The following FGF14 variants were observed in gnomAD, a reference collection of about 807,000 sequenced individuals.
FGF14 encodes the protein fibroblast growth factor 14.
Under a neutral mutation model 25.5 loss-of-function variants are expected in FGF14, and 5 were observed. The ratio of observed to expected loss-of-function variants is 0.20; its 90% CI spans 0.10 to 0.41. The LOEUF is 0.41. Ranked by LOEUF, FGF14 falls within the 10% of genes least tolerant of loss-of-function variation. The probability of loss-of-function intolerance (pLI) is 1.00; values close to 1 mark genes in which losing one functional copy is unlikely to be tolerated. For synonymous variants in FGF14, 138 were observed against 118.3 expected, an observed-to-expected ratio of 1.17 and a Z score of -1.08; for missense variants, 222 against 320.1, an observed-to-expected ratio of 0.69 and a Z score of 2.34.
chr13:102,027,465 G>A (rs190318697), intron 1 of FGF14, among the ~76,000 whole-genome samples: 85 of 151,822 alleles, frequency 5.6e-4, no homozygotes, highest in African/African-American at 1.6e-3. Context: ...TATCCTAAAC[G>A]GCTAGCAGGA....
At chr13:102,330,717 G>T (rs1320024888) in intron 1 of FGF14, among the ~76,000 whole-genome samples, 1 of 151,966 alleles carries the variant, frequency 6.6e-6, no homozygotes, top group Non-Finnish European at 1.5e-5. Context: ...ACTCAAAACT[G>T]CAAGCTCCAC....
chr13:102,258,395 C>G (rs982276011), intron 1 of FGF14, among the ~76,000 whole-genome samples: 1 of 152,102 alleles, frequency 6.6e-6, no homozygotes, highest in Admixed American at 6.6e-5. Flanking sequence ...GCCTCCACCC[C>G]TCTTGCTTGC....
intron 1 of FGF14, among the ~76,000 whole-genome samples, chr13:101,962,506 A>G (rs2036925074): frequency 1.3e-5 from 2 of 152,198 alleles, no homozygotes; most frequent in Non-Finnish European, 2.9e-5. Flanking sequence ...TAGAATGACT[A>G]AAGTTGTGAT....
chr13:102,129,249 C>CAA (rs201798157), intron 1 of FGF14, among the ~76,000 whole-genome samples: 2 of 149,862 alleles, frequency 1.3e-5, no homozygotes, highest in African/African-American at 4.9e-5. Context: ...GACTCCATCT[C>CAA]AAAAAAAAGA....
At chr13:102,109,033 T>A (rs2045078529) in intron 1 of FGF14, among the ~76,000 whole-genome samples, 1 of 152,206 alleles carries the variant, frequency 6.6e-6, no homozygotes, top group Admixed American at 6.5e-5. Flanking sequence ...TATATATGCA[T>A]GTACACATAA....
At chr13:101,753,457 A>G (rs1361351754) in intron 3 of FGF14, among the ~76,000 whole-genome samples, 1 of 152,086 alleles carries the variant, frequency 6.6e-6, no homozygotes, top group Non-Finnish European at 1.5e-5. Context: ...GTGGTTTGCA[A>G]ATTTTTATTG....
rs1219250909 is a variant in FGF14 at position 102,040,652 on chromosome 13, T to C, written c.209-165356A>G. Among the ~76,000 whole-genome samples the C allele has an allele frequency of 2.6e-5, 4 of 152,200 alleles. No homozygotes were observed. In the East Asian group the frequency reaches 7.7e-4, roughly 29 times the overall value. ...TATTTGTTGGCTGTCAATGTGTTAA[T>C]TTCCCAATTCTGCTTCCGTGTGTTA... On this transcript the variant is annotated intron_variant, in intron 1 of 4. Transcript: ENST00000376131.
At chr13:101,964,658 A>G (rs755437797) in intron 1 of FGF14, among the ~76,000 whole-genome samples, 18 of 152,202 alleles carry the variant, frequency 1.2e-4, no homozygotes, top group Non-Finnish European at 2.6e-4. Flanking sequence ...CCATGTTAAT[A>G]ATAAAAATAA....
At chr13:101,979,228 T>C (rs985775079) in intron 1 of FGF14, among the ~76,000 whole-genome samples, 1 of 152,182 alleles carries the variant, frequency 6.6e-6, no homozygotes, top group Non-Finnish European at 1.5e-5. Context: ...TAGGACCTAA[T>C]TATTGGGGTA....
chr13:102,049,111 A>C (rs2042112223), intron 1 of FGF14, among the ~76,000 whole-genome samples: 1 of 150,680 alleles, frequency 6.6e-6, no homozygotes, highest in Non-Finnish European at 1.5e-5. Flanking sequence ...CAACCATTTT[A>C]AAGGAAAATT....
At chr13:101,802,471 CTT>C (rs1173293621) in intron 3 of FGF14, 1 of 190,488 alleles carries the variant, frequency 5.2e-6, no homozygotes, top group Admixed American at 5.5e-5. Context: ...TTATCTGTCT[CTT>C]TGTGAATACT....
intron 3 of FGF14, among the ~76,000 whole-genome samples, chr13:101,736,806 T>C (rs1263260440): frequency 1.3e-5 from 2 of 151,826 alleles, no homozygotes; most frequent in Admixed American, 1.3e-4. Context: ...GTACAGTTAG[T>C]AAGTGGCGAA....
At chr13:102,344,163 TATG>T (rs1468863882) in intron 1 of FGF14, among the ~76,000 whole-genome samples, 6 of 152,208 alleles carry the variant, frequency 3.9e-5, no homozygotes, top group African/African-American at 1.2e-4. Context: ...ATCCTGCGGC[TATG>T]ATATTTTTAA....
At chr13:101,872,747 T>C (rs1269637254) in intron 2 of FGF14, among the ~76,000 whole-genome samples, 6 of 152,126 alleles carry the variant, frequency 3.9e-5, no homozygotes, top group Non-Finnish European at 7.4e-5. Context: ...ACTGTTTTTC[T>C]TTATTTCTTT....
At chr13:101,974,182 T>C (rs2037786084) in intron 1 of FGF14, among the ~76,000 whole-genome samples, 1 of 152,224 alleles carries the variant, frequency 6.6e-6, no homozygotes, top group Admixed American at 6.5e-5. Flanking sequence ...TTGTAAAGTT[T>C]GAATTGTTAC....
chr13:101,887,351 C>T (rs1191147229), intron 1 of FGF14, among the ~76,000 whole-genome samples: 37 of 149,452 alleles, frequency 2.5e-4, no homozygotes, highest in African/African-American at 7.8e-4. Context: ...TATATACACA[C>T]ACACACACAT....
intron 1 of FGF14, among the ~76,000 whole-genome samples, chr13:102,097,657 C>T (rs2044465847): frequency 6.6e-6 from 1 of 152,196 alleles, no homozygotes; most frequent in Non-Finnish European, 1.5e-5. Context: ...CAAAAACCCT[C>T]TGGTGGGTAT....
rs1356249806 is a variant in FGF14, at chr13:102,400,641, A to G, written c.208+830T>C. ...TGCATTTCTTATGTAATGTACTGCAAGTTCCCTTGTTGGAGCCCTTTGGAA... is the reference window on the plus strand; with the variant it reads ...TGCATTTCTTATGTAATGTACTGCAGGTTCCCTTGTTGGAGCCCTTTGGAA... On this transcript the variant is annotated intron_variant, in intron 1 of 4. Transcript: ENST00000376131. The surrounding 1 kb of genome is among the most constrained non-coding windows in gnomAD (Gnocchi z 4.3). 6.6e-6 allele frequency among the ~76,000 whole-genome samples: 1 copy of G among 152,206 alleles called. No individual in the cohort carries two copies. Among genetic ancestry groups the G allele is most frequent in the Non-Finnish European group, 1.5e-5 (1 of 68,042 alleles).
intron 1 of FGF14, among the ~76,000 whole-genome samples, chr13:102,328,056 G>A (rs1366547122): frequency 6.6e-6 from 1 of 150,710 alleles, no homozygotes; most frequent in African/African-American, 2.4e-5. Context: ...AAATGAAAGT[G>A]GCCTAAAACT....
Sources: gnomAD v4.1 joint callset for allele counts (sites outside exome capture counted in the v4.1 genomes callset) on GRCh38, gnomAD v4.1.1 for gene constraint, Gnocchi (gnomAD v3.1) non-coding constraint, MANE v1.5 for transcripts, NCBI Gene and HGNC (gene_info 2026-07-23, HGNC 2026-07-21) for gene names.